Variants in CHL1 observed in about 807,000 individuals in gnomAD.
CHL1 encodes neural cell adhesion molecule L1-like protein.
CHL1 carries 96 observed loss-of-function variants against 141.9 expected under a neutral mutation model. The observed-to-expected ratio is 0.68, with a 90% confidence interval of 0.57 to 0.80. CHL1 has a LOEUF of 0.80. Ranked by LOEUF, CHL1 falls within the 30% of genes least tolerant of loss-of-function variation. CHL1 has a pLI of 0.00. For synonymous variants in CHL1, 613 were observed against 502.2 expected, an observed-to-expected ratio of 1.22 and a Z score of -2.95; for missense variants, 1,820 against 1,457.2, an observed-to-expected ratio of 1.25 and a Z score of -4.05.
At chr3:290,687 A>G (rs1042097970) in intron 2 of CHL1, among the ~76,000 whole-genome samples, 1 of 152,046 alleles carries the variant, frequency 6.6e-6, no homozygotes, top group Non-Finnish European at 1.5e-5. Flanking sequence ...GAATGCATAA[A>G]CCCCTTTCCT....
intron 1 of CHL1, among the ~76,000 whole-genome samples, chr3:215,830 A>G (rs980024735): frequency 1.8e-4 from 28 of 152,164 alleles, no homozygotes; most frequent in African/African-American, 6.5e-4. Context: ...TTTGGGAAAG[A>G]TACATTGTAT....
At chr3:344,536 A>G (rs1296422454) in intron 8 of CHL1, 53 bp from the exon 9 acceptor site, 73 of 1,417,586 alleles carry the variant, frequency 5.1e-5, no homozygotes, top group Non-Finnish European at 7.0e-5. Context: ...GTGTCACAGA[A>G]TTTTATGTAT....
intron 2 of CHL1, among the ~76,000 whole-genome samples, chr3:311,181 A>C (rs1033884206): frequency 2.6e-5 from 4 of 152,180 alleles, no homozygotes; most frequent in African/African-American, 9.7e-5. Flanking sequence ...GCTGTTAAAC[A>C]TCCATGTACA....
At position 360,291 on chromosome 3, in the gene CHL1, A is replaced by G; in HGVS notation, c.1173A>G (p.Pro391=). Residue 391 remains proline (P), a synonymous_variant, in exon 12 of 28, where the codon CCA becomes CCG. Coordinates refer to ENST00000256509, the MANE Select transcript of CHL1 (RefSeq NM_006614.4). The stretch of plus-strand genomic sequence containing the variant: ...TTCTTTAATCTCTTTCAGATCATCC[A>G]TTTGCTGGTGATGTTGTCTTCCCCA... ...RVNGSPVDNH[P]FAGDVVFPRE... is the part of the protein sequence containing the mutation. The G allele has an allele frequency of 6.2e-7, 1 of 1,613,778 alleles. No individual in the cohort carries two copies. Among genetic ancestry groups the G allele is most frequent in the Non-Finnish European group, 8.5e-7 (1 of 1,179,776 alleles).
intron 24 of CHL1, among the ~76,000 whole-genome samples, chr3:396,853 GA>G (rs1038596345): frequency 6.6e-6 from 1 of 151,870 alleles, no homozygotes; most frequent in African/African-American, 2.4e-5. Flanking sequence ...CATGATCTTT[GA>G]AAAAAATATA....
At chr3:356,173 A>C (rs1703699289) in intron 11 of CHL1, among the ~76,000 whole-genome samples, 1 of 152,210 alleles carries the variant, frequency 6.6e-6, no homozygotes, top group Non-Finnish European at 1.5e-5. Context: ...AAAAATGAAA[A>C]ATAATAATGA....
At chr3:234,465 A>G (rs367742372) in intron 1 of CHL1, among the ~76,000 whole-genome samples, 1 of 152,116 alleles carries the variant, frequency 6.6e-6, no homozygotes, top group African/African-American at 2.4e-5. Flanking sequence ...TATCAAGACT[A>G]AAATACAAAG....
chr3:299,835 A>C, intron 2 of CHL1, among the ~76,000 whole-genome samples: 1 of 152,108 alleles, frequency 6.6e-6, no homozygotes, highest in East Asian at 1.9e-4. Context: ...CACCCACAGG[A>C]AAAAATAAAT....
chr3:382,104 C>A, intron 16 of CHL1, 75 bp from the exon 17 acceptor site: 1 of 1,269,642 alleles, frequency 7.9e-7, no homozygotes, highest in Non-Finnish European at 1.1e-6. Context: ...CTCCGGGTAG[C>A]TGGCAATGTG....
At chr3:223,385 G>T (rs577342900) in intron 1 of CHL1, among the ~76,000 whole-genome samples, 1 of 152,256 alleles carries the variant, frequency 6.6e-6, no homozygotes, top group Non-Finnish European at 1.5e-5. Context: ...TTTGTGTGAG[G>T]ACTATACCAT....
Position 391,073 on chromosome 3 carries a change from G to C in CHL1, c.2705G>C (p.Ser902Thr). Residue 902 changes from serine to threonine, a missense_variant, in exon 22 of 28, where the codon AGT becomes ACT. Ser to Thr is a moderately conservative substitution (Grantham distance 58). Coordinates refer to ENST00000256509, the MANE Select transcript of CHL1 (RefSeq NM_006614.4). The stretch of plus-strand genomic sequence containing the variant: ...ATGGTTCCTTCCTTAGATGCCTTTA[G>C]TGAATTTCATTTAACAGTCTTAGCC... ...SGMVPSLDAF[S>T]EFHLTVLAYN... is the part of the protein sequence containing the mutation. The C allele has an allele frequency of 6.2e-7, 1 of 1,613,936 alleles. No individual in the cohort carries two copies. The highest frequency in any genetic ancestry group is 1.3e-5 in the African/African-American group (1 of 75,030).
At chr3:360,566 G>T in intron 12 of CHL1, 142 bp downstream of exon 12, 1 of 793,240 alleles carries the variant, frequency 1.3e-6, no homozygotes, top group East Asian at 2.6e-5. Flanking sequence ...TTGAGTTTTA[G>T]ACTTCACACT....
intron 1 of CHL1, among the ~76,000 whole-genome samples, chr3:238,656 G>C (rs1235869753): frequency 2.6e-5 from 4 of 152,058 alleles, no homozygotes; most frequent in Admixed American, 2.6e-4. Context: ...CAGGTACAGT[G>C]GCTCACGCCT....
chr3:342,891 T>G (rs543511630), intron 7 of CHL1, 93 bp from the exon 8 acceptor site: 1 of 1,017,856 alleles, frequency 9.8e-7, no homozygotes, highest in South Asian at 1.7e-5. Flanking sequence ...CATTTTGTAA[T>G]TTTTCTAAGA....
rs139033823 is a variant in CHL1 at position 235,078 on chromosome 3, T to C, written c.-174-9535T>C. Among the ~76,000 whole-genome samples, 786 of 152,080 alleles carry C rather than the reference T, an allele frequency of 5.2e-3. 34 individuals are homozygous for C. In the East Asian group the frequency reaches 0.083, roughly 16 times the overall value. ...TGCAGGTTAGTTACATATGTATACATGTGCCATGCTGGTGCGCTCACCCAC... is the reference window on the plus strand; with the variant it reads ...TGCAGGTTAGTTACATATGTATACACGTGCCATGCTGGTGCGCTCACCCAC... On this transcript the variant is annotated intron_variant, in intron 1 of 27. Coordinates refer to ENST00000256509, the MANE Select transcript of CHL1 (RefSeq NM_006614.4).
intron 1 of CHL1, among the ~76,000 whole-genome samples, chr3:242,493 G>A (rs1294320736): frequency 2.6e-5 from 4 of 151,748 alleles, no homozygotes; most frequent in East Asian, 1.9e-4. Context: ...CTACCTGGGA[G>A]GCTGAGGCAG....
At position 340,784 on chromosome 3, in the gene CHL1, T is replaced by G; in HGVS notation, c.386-10T>G. 1.3e-6 allele frequency: 2 copies of G among 1,599,010 alleles called. No homozygotes were observed. The highest frequency in any genetic ancestry group is 1.7e-6 in the Non-Finnish European group (2 of 1,169,682). ...TTAAAATAACACATTAAAATGATTTTTTACACCAGGTGTTCCAAAATTCCC... is the reference window on the plus strand; with the variant it reads ...TTAAAATAACACATTAAAATGATTTGTTACACCAGGTGTTCCAAAATTCCC... On this transcript the variant is annotated splice_polypyrimidine_tract_variant and intron_variant, in intron 5 of 27. Coordinates refer to ENST00000256509, the MANE Select transcript of CHL1 (RefSeq NM_006614.4).
At chr3:227,810 G>C (rs1701494139) in intron 1 of CHL1, among the ~76,000 whole-genome samples, 1 of 152,184 alleles carries the variant, frequency 6.6e-6, no homozygotes, top group Non-Finnish European at 1.5e-5. Context: ...TTGCACTTCT[G>C]TTAGTGATTT....
At chr3:299,196 G>A (rs143849497) in intron 2 of CHL1, among the ~76,000 whole-genome samples, 152 of 152,288 alleles carry the variant, frequency 1.0e-3, no homozygotes, top group African/African-American at 3.6e-3. Flanking sequence ...ATATCATAAA[G>A]TGTTTATAAA....
Sources: allele counts gnomAD v4.1 joint callset (sites outside exome capture counted in the v4.1 genomes callset), GRCh38; gene constraint gnomAD v4.1.1; transcripts MANE v1.5; gene names NCBI Gene and HGNC (gene_info 2026-07-23, HGNC 2026-07-21).